The following MAP2K5 variants were observed in gnomAD, a reference collection of about 807,000 sequenced individuals.
MAP2K5 encodes the protein dual specificity mitogen-activated protein kinase kinase 5.
Under a neutral mutation model 83.1 loss-of-function variants are expected in MAP2K5, and 49 were observed. The observed-to-expected ratio is 0.59, with a 90% CI of 0.47 to 0.75. MAP2K5 has a LOEUF of 0.75. MAP2K5 is among the 30% of genes least tolerant of loss of function. The pLI, the probability that MAP2K5 is intolerant of heterozygous loss-of-function variation, is 0.00. For synonymous variants in MAP2K5, 202 were observed against 191.8 expected (o/e 1.05, Z -0.44); for missense variants, 457 against 557.5 (o/e 0.82, Z 1.82).
chr15:67,781,756 T>G lies in MAP2K5; in HGVS notation c.1242+9004T>G, dbSNP rs2090331936. ...AAATGTAACCCGATTGACTCTTAAT[T>G]GTTAGCCTGTGTGTGTCTTAGCTTC... On this transcript the variant is annotated intron_variant, in intron 21 of 21. Coordinates refer to ENST00000178640, the MANE Select transcript of MAP2K5 (RefSeq NM_145160.3). The surrounding 1 kb of genome is among the most constrained non-coding windows in gnomAD (Gnocchi z 4.0). Among the ~76,000 whole-genome samples the G allele has an allele frequency of 6.6e-6, 1 of 152,206 alleles. No homozygotes were observed. The highest frequency in any genetic ancestry group is 1.5e-5 in the Non-Finnish European group (1 of 68,040).
chr15:67,803,321 G>A (rs1255410629), intron 21 of MAP2K5, among the ~76,000 whole-genome samples: 1 of 152,212 alleles, frequency 6.6e-6, no homozygotes, highest in Non-Finnish European at 1.5e-5. Flanking sequence ...AAGATGCCTA[G>A]GGCATCTGGC....
chr15:67,729,109 C>T (rs1307402978), intron 17 of MAP2K5, among the ~76,000 whole-genome samples: 4 of 152,156 alleles, frequency 2.6e-5, no homozygotes, highest in Non-Finnish European at 5.9e-5. Flanking sequence ...AATGCAGTTG[C>T]TTGGCATGAA....
At chr15:67,579,783 T>A (rs1020933306) in intron 3 of MAP2K5, among the ~76,000 whole-genome samples, 1 of 152,158 alleles carries the variant, frequency 6.6e-6, no homozygotes, top group African/African-American at 2.4e-5. Context: ...AAAAAAAAAC[T>A]TTTAAAGAAT....
chr15:67,632,892 G>A (rs549584587), intron 9 of MAP2K5, among the ~76,000 whole-genome samples: 11 of 152,242 alleles, frequency 7.2e-5, no homozygotes, highest in East Asian at 3.9e-4. Context: ...AATGTGTTAC[G>A]TGGCATTATC....
chr15:67,566,300 G>A (rs576074103), intron 3 of MAP2K5, among the ~76,000 whole-genome samples: 4 of 151,990 alleles, frequency 2.6e-5, no homozygotes, highest in African/African-American at 4.8e-5. Context: ...TCAGCCTCCC[G>A]GGTAGCTGGG....
intron 15 of MAP2K5, among the ~76,000 whole-genome samples, chr15:67,695,140 G>A (rs889852079): frequency 1.3e-5 from 2 of 151,076 alleles, no homozygotes; most frequent in African/African-American, 2.4e-5. Context: ...GGATGGCATT[G>A]GGAGATATAC....
chr15:67,699,193 A>G (rs1486417913), intron 15 of MAP2K5, among the ~76,000 whole-genome samples: 1 of 151,790 alleles, frequency 6.6e-6, no homozygotes, highest in African/African-American at 2.4e-5. Flanking sequence ...GGCTACTCCC[A>G]GGACAATTTT....
In MAP2K5 at chr15:67,555,400, CAA is replaced by C. The variant is rs754780193; in HGVS notation, c.184+5322_184+5323del. Among the ~76,000 whole-genome samples, 4 of 152,138 alleles carry C rather than the reference CAA, an allele frequency of 2.6e-5. No individual in the cohort carries two copies. Among genetic ancestry groups the C allele is most frequent in the Non-Finnish European group, 4.4e-5 (3 of 68,024 alleles). On this transcript the variant is annotated intron_variant, in intron 2 of 21. Transcript: ENST00000178640. The surrounding 1 kb of genome is among the most constrained non-coding windows in gnomAD (Gnocchi z 5.2). ...ATTCATGGGGGATCCACCCCCACGACAAAAACACCTCCTTCCAGGCCCCGCCT... is the reference window on the plus strand; with the variant it reads ...ATTCATGGGGGATCCACCCCCACGACAAACACCTCCTTCCAGGCCCCGCCT...
chr15:67,751,710 A>G (rs1238769293), intron 19 of MAP2K5, among the ~76,000 whole-genome samples: 2 of 152,190 alleles, frequency 1.3e-5, no homozygotes, highest in Non-Finnish European at 2.9e-5. Context: ...CCTTTTCTCA[A>G]TGACTTAGTC....
rs1264685704 is a variant in MAP2K5, at chr15:67,587,970, C to T, written c.431+1057C>T. ...CAGCTCTCCAGATCACTGCCACAGC[C>T]TCCTGAGAGTCTACTCCCTCCGTTC... On this transcript the variant is annotated intron_variant, in intron 6 of 21. Coordinates refer to ENST00000178640, the MANE Select transcript of MAP2K5 (RefSeq NM_145160.3). This position sits in a 1 kb window ranked among gnomAD's most constrained non-coding sequence, Gnocchi z 4.8. 5 of 275,230 alleles carry T rather than the reference C, an allele frequency of 1.8e-5. No homozygotes were observed. The highest frequency in any genetic ancestry group is 6.5e-5 in the Admixed American group (1 of 15,438). The allele number at this position is 275,230 out of a possible 1,614,324, so 17.0% of individuals were successfully genotyped here. A position where few individuals can be genotyped will look rare whatever the true frequency, so the allele number is the denominator to read the frequency against.
intron 19 of MAP2K5, among the ~76,000 whole-genome samples, chr15:67,753,031 ATAAACT>A (rs1291990977): frequency 2.0e-5 from 3 of 152,248 alleles, no homozygotes; most frequent in Admixed American, 6.5e-5. Flanking sequence ...AAGTCCAGAA[ATAAACT>A]TATATATGCA....
intron 8 of MAP2K5, among the ~76,000 whole-genome samples, chr15:67,619,469 A>G (rs1241691461): frequency 6.6e-6 from 1 of 152,220 alleles, no homozygotes; most frequent in Admixed American, 6.5e-5. Flanking sequence ...AGTATTAAAT[A>G]TAAAAAGAGG....
intron 7 of MAP2K5, among the ~76,000 whole-genome samples, chr15:67,595,237 C>A: frequency 6.6e-6 from 1 of 152,104 alleles, no homozygotes; most frequent in East Asian, 1.9e-4. Flanking sequence ...ATATTTATTT[C>A]TTTTCTGTCA....
Position 67,698,216 on chromosome 15 carries a change from G to A in MAP2K5, c.972+4648G>A, listed in dbSNP as rs373602493. Among the ~76,000 whole-genome samples, 83 of 151,688 alleles carry A rather than the reference G, an allele frequency of 5.5e-4. No individual in the cohort carries two copies. The highest frequency in any genetic ancestry group is 2.0e-3 in the African/African-American group (82 of 41,352). On this transcript the variant is annotated intron_variant, in intron 15 of 21. Transcript: ENST00000178640. This position sits in a 1 kb window ranked among gnomAD's most constrained non-coding sequence, Gnocchi z 4.5. ...TTTATTTTTTTTTTCTTGAGATGAA[G>A]TCTCACCCTGTCCCCCAGGCTGGAG...
In MAP2K5 at chr15:67,725,551, C is replaced by T. The variant is rs143296202; in HGVS notation, c.1045-2365C>T. On this transcript the variant is annotated intron_variant, in intron 16 of 21. Coordinates refer to ENST00000178640, the MANE Select transcript of MAP2K5 (RefSeq NM_145160.3). ...ATGTGAACAGAATTATTCCATGGTC[C>T]CTGATGACATGCTGAGCATATACCC... Among the ~76,000 whole-genome samples, 6 of 152,140 alleles carry T rather than the reference C, an allele frequency of 3.9e-5. No homozygotes were observed. The South Asian group carries it at 1.2e-3, about 31-fold the overall frequency.
Position 67,646,416 on chromosome 15 carries a change from A to G in MAP2K5, c.683A>G (p.Tyr228Cys). ...KCDSSYIIGF[Y>C]GAFFVENRIS... ...GATTCATCATATATCATTGGATTTT[A>G]TGGAGCATTTTTTGTAGAAAACAGG... The change falls in exon 11 of 22, where the codon TAT (tyrosine) becomes TGT (cysteine). Residue 228 changes from tyrosine to cysteine, a missense_variant. By Grantham distance (194) the Tyr-to-Cys change is radical (BLOSUM62 -2). This residue lies in a region of MAP2K5 where 168 missense variants were observed against 263.0 expected (regional missense o/e 0.64). Coordinates refer to ENST00000178640, the MANE Select transcript of MAP2K5 (RefSeq NM_145160.3). 1 of 1,603,226 alleles carries G rather than the reference A, an allele frequency of 6.2e-7. No individual in the cohort carries two copies. Among genetic ancestry groups the G allele is most frequent in the Non-Finnish European group, 8.5e-7 (1 of 1,171,880 alleles).
At chr15:67,576,024 A>G (rs1405372431) in intron 3 of MAP2K5, among the ~76,000 whole-genome samples, 2 of 144,224 alleles carry the variant, frequency 1.4e-5, no homozygotes, top group African/African-American at 5.0e-5. Context: ...GGTTCAAGCA[A>G]TTCTGTCTCA....
At chr15:67,795,802 G>A (rs1460695235) in intron 21 of MAP2K5, among the ~76,000 whole-genome samples, 1 of 152,184 alleles carries the variant, frequency 6.6e-6, no homozygotes, top group South Asian at 2.1e-4. Context: ...CAATTTCTAA[G>A]AGAGGTATGC....
intron 8 of MAP2K5, among the ~76,000 whole-genome samples, chr15:67,616,221 A>G (rs2086051861): frequency 6.6e-6 from 1 of 152,186 alleles, no homozygotes; most frequent in Non-Finnish European, 1.5e-5. Context: ...GAATAGAAGC[A>G]TCATCTGTAA....
Sources: gnomAD v4.1 joint callset for allele counts (sites outside exome capture counted in the v4.1 genomes callset) on GRCh38, gnomAD v4.1.1 for gene constraint, gnomAD v4.1.1 regional missense constraint, Gnocchi (gnomAD v3.1) non-coding constraint, MANE v1.5 for transcripts, NCBI Gene and HGNC (gene_info 2026-07-23, HGNC 2026-07-21) for gene names.